The following ELP4 variants were observed in gnomAD, a reference collection of about 807,000 sequenced individuals.
ELP4 encodes the protein elongator complex protein 4.
A neutral mutation model predicts 48.9 loss-of-function variants in ELP4; 51 were observed. The observed-to-expected ratio is 1.04, with a 90% CI of 0.83 to 1.32. ELP4 has a LOEUF of 1.32. Among genes scored for constraint, ELP4 ranks in the 40% most tolerant of loss-of-function variants. The pLI, the probability that ELP4 is intolerant of heterozygous loss-of-function variation, is 0.00. For synonymous variants in ELP4, 210 were observed against 189.2 expected, an observed-to-expected ratio of 1.11 and a Z score of -0.90; for missense variants, 519 against 514.6, an observed-to-expected ratio of 1.01 and a Z score of -0.08.
At chr11:31,771,922 C>T (rs980830533) in intron 9 of ELP4, among the ~76,000 whole-genome samples, 11 of 151,584 alleles carry the variant, frequency 7.3e-5, no homozygotes, top group East Asian at 2.0e-4. Flanking sequence ...GCGGAGGTTG[C>T]AGTGAGCCAA....
At chr11:31,616,615 T>TA (rs951458803) in intron 5 of ELP4, among the ~76,000 whole-genome samples, 5 of 152,074 alleles carry the variant, frequency 3.3e-5, no homozygotes, top group African/African-American at 1.2e-4. Context: ...TGAAAGGACT[T>TA]AATCAACAGT....
chr11:31,643,374 T>C (rs1303128758), intron 7 of ELP4, among the ~76,000 whole-genome samples: 1 of 151,884 alleles, frequency 6.6e-6, no homozygotes, highest in East Asian at 1.9e-4. Flanking sequence ...TGTTGATTGA[T>C]TTACCCCTTT....
At position 31,704,774 on chromosome 11, in the gene ELP4, G is replaced by A. The variant is rs1592239219; in HGVS notation, c.1143+54553G>A. Among the ~76,000 whole-genome samples, 3 of 152,108 alleles carry A rather than the reference G, an allele frequency of 2.0e-5. No individual in the cohort carries two copies. In the South Asian group the frequency reaches 6.2e-4, roughly 32 times the overall value. ...TGCCTGTAATCCAGCATTTTGGGAG[G>A]CCGAGGTGGGTGGATCACCTGAGGT... On this transcript the variant is annotated intron_variant, in intron 9 of 9. Coordinates refer to ENST00000640961, the MANE Select transcript of ELP4 (RefSeq NM_019040.5).
At chr11:31,595,886 A>G (rs1369425516) in intron 4 of ELP4, among the ~76,000 whole-genome samples, 2 of 152,052 alleles carry the variant, frequency 1.3e-5, no homozygotes, top group Non-Finnish European at 2.9e-5. Context: ...ATCCAAGCCT[A>G]CCTTTTTAGC....
At chr11:31,655,338 C>T (rs1176227773) in intron 9 of ELP4, among the ~76,000 whole-genome samples, 1 of 151,332 alleles carries the variant, frequency 6.6e-6, no homozygotes, top group Non-Finnish European at 1.5e-5. Flanking sequence ...CTGTCTAATC[C>T]TATTTCTTCC....
intron 3 of ELP4, among the ~76,000 whole-genome samples, chr11:31,554,287 G>C (rs2133932774): frequency 6.6e-6 from 1 of 152,250 alleles, no homozygotes; most frequent in South Asian, 2.1e-4. Flanking sequence ...ACCAGACCCT[G>C]GTGCCAAAAA....
At chr11:31,782,243 A>G (rs568992797) in intron 9 of ELP4, among the ~76,000 whole-genome samples, 1 of 152,374 alleles carries the variant, frequency 6.6e-6, no homozygotes, top group African/African-American at 2.4e-5. Flanking sequence ...CAAGAAAGAA[A>G]CTAACTGGAG....
chr11:31,622,545 T>C (rs1480119909), intron 5 of ELP4, among the ~76,000 whole-genome samples: 5 of 151,424 alleles, frequency 3.3e-5, no homozygotes, highest in Middle Eastern at 3.2e-3. Context: ...CATCTGATTC[T>C]TTTTTTTACA....
intron 3 of ELP4, among the ~76,000 whole-genome samples, chr11:31,561,216 C>A (rs1957020074): frequency 6.6e-6 from 1 of 152,054 alleles, no homozygotes; most frequent in African/African-American, 2.4e-5. Context: ...CTTATATTAA[C>A]CCTCTATAGT....
At chr11:31,584,473 T>C (rs923405191) in intron 3 of ELP4, among the ~76,000 whole-genome samples, 6 of 152,024 alleles carry the variant, frequency 3.9e-5, no homozygotes, top group Admixed American at 3.3e-4. Flanking sequence ...GAACCAAGAA[T>C]GTAAGATAAC....
intron 9 of ELP4, among the ~76,000 whole-genome samples, chr11:31,662,111 T>C (rs1016384472): frequency 2.0e-5 from 3 of 152,048 alleles, no homozygotes; most frequent in African/African-American, 7.2e-5. Context: ...TTAAGGACAA[T>C]TATATGTAGG....
chr11:31,696,510 T>A (rs1421494604), intron 9 of ELP4, among the ~76,000 whole-genome samples: 1 of 152,196 alleles, frequency 6.6e-6, no homozygotes, highest in East Asian at 1.9e-4. Flanking sequence ...AGTTCTAGTT[T>A]GATTGCACTG....
chr11:31,576,668 G>A (rs1301656440), intron 3 of ELP4, among the ~76,000 whole-genome samples: 1 of 152,182 alleles, frequency 6.6e-6, no homozygotes, highest in Non-Finnish European at 1.5e-5. Context: ...TATGGAAACT[G>A]AACAACCTGC....
chr11:31,789,485 C>A lies in ELP4; in HGVS notation c.*5961C>A. The A allele has an allele frequency of 1.9e-6, 1 of 536,574 alleles. No homozygotes were observed. The highest frequency in any genetic ancestry group is 2.7e-5 in the South Asian group (1 of 36,366). 33.2% of individuals were successfully genotyped at this position (536,574 alleles called of 1,614,324 possible). ...ATGATACAAACTTGGAACATCAGTCCATAAACTATGAACAGATGGGTAGAA... is the reference window on the plus strand; with the variant it reads ...ATGATACAAACTTGGAACATCAGTCAATAAACTATGAACAGATGGGTAGAA... On this transcript the variant is annotated 3_prime_UTR_variant, in exon 10 of 10. Transcript: ENST00000640961.
intron 9 of ELP4, chr11:31,651,956 T>C (rs1592192784): frequency 6.6e-6 from 1 of 151,678 alleles, no homozygotes; most frequent in African/African-American, 2.4e-5. Context: ...AAGCGGGACC[T>C]CTCCTCTGAA....
intron 9 of ELP4, among the ~76,000 whole-genome samples, chr11:31,774,470 G>C (rs529314640): frequency 3.9e-5 from 6 of 152,358 alleles, no homozygotes; most frequent in African/African-American, 1.4e-4. Context: ...TTGTTAGTCA[G>C]TTTAGCTTGT....
At chr11:31,597,759 A>G (rs923737809) in intron 4 of ELP4, among the ~76,000 whole-genome samples, 12 of 151,598 alleles carry the variant, frequency 7.9e-5, no homozygotes, top group Non-Finnish European at 1.0e-4. Flanking sequence ...TTTCGTAGAG[A>G]TGGCGTTTCA....
At chr11:31,515,617 T>C (rs1956097172) in intron 1 of ELP4, among the ~76,000 whole-genome samples, 1 of 152,124 alleles carries the variant, frequency 6.6e-6, no homozygotes, top group African/African-American at 2.4e-5. Context: ...TGAACCATGA[T>C]TGCACCACTG....
intron 9 of ELP4, among the ~76,000 whole-genome samples, chr11:31,674,285 A>G (rs1175217012): frequency 6.6e-6 from 1 of 152,234 alleles, no homozygotes; most frequent in Non-Finnish European, 1.5e-5. Flanking sequence ...TAAGCATTAT[A>G]GAAAATTTTA....
Sources: gnomAD v4.1 joint callset for allele counts (sites outside exome capture counted in the v4.1 genomes callset) on GRCh38, gnomAD v4.1.1 for gene constraint, MANE v1.5 for transcripts, NCBI Gene and HGNC (gene_info 2026-07-23, HGNC 2026-07-21) for gene names.